The following CSMD2 variants were observed in gnomAD, a reference collection of about 807,000 sequenced individuals.
CSMD2 encodes the protein CUB and sushi domain-containing protein 2.
CSMD2 carries 130 observed loss-of-function variants against 398.5 expected under a neutral mutation model. The ratio of observed to expected loss-of-function variants is 0.33; its 90% confidence interval spans 0.28 to 0.38. CSMD2 has a LOEUF of 0.38. Ranked by LOEUF, CSMD2 falls within the 10% of genes least tolerant of loss-of-function variation. The pLI, the probability that CSMD2 is intolerant of heterozygous loss-of-function variation, is 1.00. For missense variants in CSMD2, 3,829 were observed against 4,764.9 expected (o/e 0.80, Z 5.78); for synonymous variants, 1,828 against 1,908.5 (o/e 0.96, Z 1.10).
intron 5 of CSMD2, among the ~76,000 whole-genome samples, chr1:33,871,430 T>G (rs913444547): frequency 1.3e-5 from 2 of 152,246 alleles, no homozygotes; most frequent in Non-Finnish European, 1.5e-5. Context: ...TTGTCCATTT[T>G]CTATTGCCTG....
At chr1:33,964,738 C>G (rs1014289755) in intron 3 of CSMD2, among the ~76,000 whole-genome samples, 1 of 152,032 alleles carries the variant, frequency 6.6e-6, no homozygotes, top group African/African-American at 2.4e-5. Flanking sequence ...GCCTTCCTGG[C>G]CCTAGATGGT....
intron 4 of CSMD2, among the ~76,000 whole-genome samples, chr1:33,930,940 A>G (rs1247087384): frequency 6.6e-6 from 1 of 152,164 alleles, no homozygotes; most frequent in Non-Finnish European, 1.5e-5. Flanking sequence ...CTGTGTCCCC[A>G]GACCAAGTCC....
intron 1 of CSMD2, among the ~76,000 whole-genome samples, chr1:34,120,979 A>G (rs1662123945): frequency 2.6e-5 from 4 of 152,154 alleles, no homozygotes. Flanking sequence ...CACCCAACAT[A>G]TTACATATTT....
At chr1:33,541,059 A>G in intron 59 of CSMD2, 71 bp downstream of exon 59, 1 of 1,482,292 alleles carries the variant, frequency 6.7e-7, no homozygotes, top group African/African-American at 1.4e-5. Context: ...TTCTAGAGAG[A>G]TGCTCAGGGC....
intron 19 of CSMD2, 41 bp downstream of exon 19, chr1:33,724,156 C>A (rs201354671): frequency 6.9e-7 from 1 of 1,457,362 alleles, no homozygotes; most frequent in Admixed American, 1.7e-5. Context: ...GGTCCCTGAC[C>A]TCGTCACATC....
At chr1:33,678,561 G>A (rs1644798311) in intron 25 of CSMD2, among the ~76,000 whole-genome samples, 1 of 152,170 alleles carries the variant, frequency 6.6e-6, no homozygotes, top group East Asian at 1.9e-4. Context: ...GGGGGAAGGG[G>A]GTCAGAAATC....
At chr1:33,857,348 T>C (rs1442445411) in intron 5 of CSMD2, among the ~76,000 whole-genome samples, 1 of 152,190 alleles carries the variant, frequency 6.6e-6, no homozygotes, top group Non-Finnish European at 1.5e-5. Flanking sequence ...CCTTATACTT[T>C]GGCTTTCAGA....
Position 34,112,792 on chromosome 1 carries a change from T to C in CSMD2, c.188-23599A>G, listed in dbSNP as rs75928209. 6.3e-3 allele frequency among the ~76,000 whole-genome samples: 957 copies of C among 152,098 alleles called. 10 individuals carry two copies. The highest frequency in any genetic ancestry group is 0.051 in the East Asian group (262 of 5,174). Reference sequence around the variant, plus strand: ...CAGGCTTGGGAGTAGCATGGGGATATAGAAAGAAAAGGATTCAAGCCAATT... The same window carrying C: ...CAGGCTTGGGAGTAGCATGGGGATACAGAAAGAAAAGGATTCAAGCCAATT... On this transcript the variant is annotated intron_variant, in intron 1 of 70. Coordinates refer to ENST00000373381, the MANE Select transcript of CSMD2 (RefSeq NM_001281956.2).
At chr1:33,550,378 G>A (rs1416470405) in intron 55 of CSMD2, 28 bp from the exon 56 acceptor site, 1 of 1,605,746 alleles carries the variant, frequency 6.2e-7, no homozygotes, top group Admixed American at 1.7e-5. Context: ...ACATCTCAAT[G>A]ACTCTGCACA....
intron 5 of CSMD2, among the ~76,000 whole-genome samples, chr1:33,886,007 T>C (rs375253479): frequency 5.8e-4 from 89 of 152,254 alleles, no homozygotes; most frequent in African/African-American, 2.0e-3. Context: ...GCATATCGAG[T>C]GCTTAGCCTG....
intron 2 of CSMD2, among the ~76,000 whole-genome samples, chr1:34,052,168 TACACACACAC>T (rs35006153): frequency 6.1e-5 from 9 of 146,932 alleles, no homozygotes; most frequent in East Asian, 2.0e-4. Context: ...AGCATATGTA[TACACACACAC>T]ACACACACAC....
chr1:33,716,552 CCTCAGCTGCAAG>C, intron 19 of CSMD2, 51 bp from the exon 20 acceptor site: 3 of 1,277,868 alleles, frequency 2.3e-6, no homozygotes, highest in South Asian at 1.4e-5. Context: ...GGCTGGAGAA[CCTCAGCTGCAAG>C]ACAGGATCTA....
intron 25 of CSMD2, among the ~76,000 whole-genome samples, chr1:33,691,231 T>C (rs1036801769): frequency 8.5e-5 from 13 of 152,272 alleles, no homozygotes; most frequent in Non-Finnish European, 1.8e-4. Context: ...CGCTGTAGCC[T>C]CAAAGGCCAG....
intron 12 of CSMD2, among the ~76,000 whole-genome samples, chr1:33,781,384 T>C (rs1569897967): frequency 6.6e-6 from 1 of 152,380 alleles, no homozygotes; most frequent in African/African-American, 2.4e-5. Context: ...TGTTCTATGC[T>C]ACTGAAAATG....
chr1:34,001,565 T>C (rs1489534588), intron 3 of CSMD2, among the ~76,000 whole-genome samples: 1 of 152,248 alleles, frequency 6.6e-6, no homozygotes, highest in Non-Finnish European at 1.5e-5. Context: ...CAGGTGGACA[T>C]TCACGAGCAT....
intron 5 of CSMD2, among the ~76,000 whole-genome samples, chr1:33,857,304 T>C (rs190784432): frequency 2.6e-4 from 40 of 152,314 alleles, no homozygotes; most frequent in African/African-American, 9.1e-4. Flanking sequence ...TCCTCTCTTC[T>C]TGTATTGCTT....
intron 6 of CSMD2, among the ~76,000 whole-genome samples, chr1:33,837,867 C>T (rs6425845): frequency 0.79 from 119,596 of 152,200 alleles, 47,841 homozygotes; most frequent in East Asian, 0.94. Context: ...CTCCATTCAT[C>T]CTTTATATTC....
At chr1:33,568,935 A>G (rs1221816949) in intron 52 of CSMD2, among the ~76,000 whole-genome samples, 1 of 152,216 alleles carries the variant, frequency 6.6e-6, no homozygotes, top group Admixed American at 6.5e-5. Flanking sequence ...TTTGGAAGCC[A>G]GGTTGTTTTA....
At chr1:33,928,369 G>A (rs57199689) in intron 4 of CSMD2, among the ~76,000 whole-genome samples, 3,803 of 152,278 alleles carry the variant, frequency 0.025, 158 homozygotes, top group African/African-American at 0.088. Flanking sequence ...CTTAGTTAGG[G>A]CTCAATATGG....
Sources: allele counts gnomAD v4.1 joint callset (sites outside exome capture counted in the v4.1 genomes callset), GRCh38; gene constraint gnomAD v4.1.1; transcripts MANE v1.5; gene names NCBI Gene and HGNC (gene_info 2026-07-23, HGNC 2026-07-21).